Variants in ENKUR observed in about 807,000 individuals in gnomAD.
The protein encoded by ENKUR is enkurin, TRPC channel interacting protein, also known as enkurin.
ENKUR carries 19 observed loss-of-function variants against 27.6 expected under a neutral mutation model. The observed-to-expected ratio is 0.69, with a 90% CI of 0.48 to 1.01. ENKUR has a LOEUF of 1.01. Among genes scored for constraint, ENKUR ranks in the 50% least tolerant of loss-of-function variants. The pLI, the probability that ENKUR is intolerant of heterozygous loss-of-function variation, is 0.00. For synonymous variants in ENKUR, 117 were observed against 96.9 expected (o/e 1.21, Z -1.22); for missense variants, 312 against 310.5 (o/e 1.00, Z -0.04).
At chr10:25,052,748 G>A (rs1156366392) in intron 2 of ENKUR, among the ~76,000 whole-genome samples, 2 of 151,870 alleles carry the variant, frequency 1.3e-5, no homozygotes, top group Non-Finnish European at 2.9e-5. Context: ...ACTCCAGCCT[G>A]AGTTACAGAG....
chr10:25,023,399 T>A (rs768330628), intron 2 of ENKUR: 5 of 1,614,166 alleles, frequency 3.1e-6, no homozygotes, highest in South Asian at 1.1e-5. Flanking sequence ...AAAAATATTA[T>A]CCTGATGGGA....
At chr10:24,986,420 A>T (rs892562581) in intron 4 of ENKUR, among the ~76,000 whole-genome samples, 1 of 152,190 alleles carries the variant, frequency 6.6e-6, no homozygotes, top group African/African-American at 2.4e-5. Context: ...TTAAATTTTA[A>T]AAAGAGGAGG....
chr10:25,002,546 ATGT>A (rs1463951906), intron 1 of ENKUR, among the ~76,000 whole-genome samples: 1 of 151,946 alleles, frequency 6.6e-6, no homozygotes, highest in Non-Finnish European at 1.5e-5. Flanking sequence ...TGACCACTCT[ATGT>A]TGTTTATTGT....
chr10:25,004,085 G>A (rs914309694), intron 1 of ENKUR, among the ~76,000 whole-genome samples: 1 of 152,186 alleles, frequency 6.6e-6, no homozygotes, highest in African/African-American at 2.4e-5. Context: ...ACACATCCAT[G>A]TCCCTGCAAA....
chr10:25,024,029 C>T, intron 2 of ENKUR: 1 of 1,614,124 alleles, frequency 6.2e-7, no homozygotes, highest in Non-Finnish European at 8.5e-7. Flanking sequence ...TTTGTTCCTG[C>T]AAAGGAGTTT....
At chr10:25,008,169 C>T (rs552260675) in intron 1 of ENKUR, among the ~76,000 whole-genome samples, 1 of 152,090 alleles carries the variant, frequency 6.6e-6, no homozygotes, top group African/African-American at 2.4e-5. Context: ...ACTAAAATAG[C>T]TTCTAACACT....
At chr10:25,024,689 A>T (rs1368640679) in intron 2 of ENKUR, 5 of 1,614,198 alleles carry the variant, frequency 3.1e-6, no homozygotes, top group Non-Finnish European at 4.2e-6. Context: ...GCATATCTTG[A>T]TCTTGTTAGT....
In ENKUR at chr10:25,023,930, A is replaced by G. The variant is rs1363259751; in HGVS notation, c.38-28061T>C. On this transcript the variant is annotated intron_variant, in intron 2 of 5. Transcript: ENST00000615958. ...TCGGAAACATTCATTTCAACAAGAC[A>G]CGTTTGGCCTGAAGACTGTGAACAG... 1.2e-6 allele frequency: 2 copies of G among 1,614,176 alleles called. No homozygotes were observed. Among genetic ancestry groups the G allele is most frequent in the Admixed American group, 1.7e-5 (1 of 60,024 alleles).
intron 2 of ENKUR, chr10:25,024,767 T>C (rs1244093655): frequency 1.5e-5 from 24 of 1,614,228 alleles, no homozygotes; most frequent in Non-Finnish European, 1.9e-5. Flanking sequence ...GGTAACATTT[T>C]AGCAGCAGTG....
rs1166414695 is a variant in ENKUR, at chr10:24,999,566, G to T, written c.78-20C>A. 5 of 1,582,580 alleles carry T rather than the reference G, an allele frequency of 3.2e-6. No homozygotes were observed. Among genetic ancestry groups the T allele is most frequent in the Non-Finnish European group, 4.3e-6 (5 of 1,165,344 alleles). On this transcript the variant is annotated intron_variant, in intron 1 of 5. Transcript: ENST00000331161. ...ATGTACCTAAAATTGAATTTTAAAA[G>T]TTGTAGCATTTATACTTCTAGTAAA... is the stretch of plus-strand genomic sequence containing the variant.
rs147612373 is a variant in ENKUR at position 25,048,654 on chromosome 10, G to T, written c.37+12458C>A. On this transcript the variant is annotated intron_variant, in intron 2 of 5. Coordinates refer to the ENKUR transcript ENST00000615958. The stretch of plus-strand genomic sequence containing the variant: ...CAACAGCCAAAGCAAATGAGATGCA[G>T]TCCATGAGCCAAGGTCTCAGATAGC... 2.5e-4 allele frequency among the ~76,000 whole-genome samples: 38 copies of T among 152,156 alleles called. 1 individual carries two copies. In the East Asian group the frequency reaches 6.8e-3, roughly 27 times the overall value.
chr10:25,052,808 A>G (rs564275224), intron 2 of ENKUR, among the ~76,000 whole-genome samples: 1 of 151,686 alleles, frequency 6.6e-6, no homozygotes, highest in Non-Finnish European at 1.5e-5. Context: ...ACGGAATTTC[A>G]TTCTTGTTAC....
rs530940479 is a variant in ENKUR at position 24,986,428 on chromosome 10, A to G, written c.595-1523T>C. Among the ~76,000 whole-genome samples, 9 of 152,332 alleles carry G rather than the reference A, an allele frequency of 5.9e-5. No individual in the cohort carries two copies. In the South Asian group the frequency reaches 1.9e-3, roughly 32 times the overall value. ...ATCCAGGTTAAATTTTAAAAAGAGGAGGCTACACAGTTCTTGACAGTGTAT... is the reference window on the plus strand; with the variant it reads ...ATCCAGGTTAAATTTTAAAAAGAGGGGGCTACACAGTTCTTGACAGTGTAT... On this transcript the variant is annotated intron_variant, in intron 4 of 5. Transcript: ENST00000331161.
At chr10:25,037,619 A>G (rs1274072032) in intron 2 of ENKUR, among the ~76,000 whole-genome samples, 3 of 152,172 alleles carry the variant, frequency 2.0e-5, no homozygotes, top group South Asian at 2.1e-4. Flanking sequence ...ACCTCCAAAC[A>G]TGAATTTCTA....
chr10:25,047,339 T>C (rs549249831), intron 2 of ENKUR, among the ~76,000 whole-genome samples: 22 of 152,302 alleles, frequency 1.4e-4, no homozygotes, highest in Non-Finnish European at 2.4e-4. Flanking sequence ...TCCAGACTAA[T>C]TGTGGGCAGG....
chr10:25,023,865 CAA>C, intron 2 of ENKUR: 1 of 1,614,136 alleles, frequency 6.2e-7, no homozygotes, highest in Non-Finnish European at 8.5e-7. Flanking sequence ...AGGTAGCTGA[CAA>C]AGTGCTGAAT....
upstream of ENKUR, among the ~76,000 whole-genome samples, chr10:25,020,238 A>ATATTTC (rs1850689831): frequency 7.9e-6 from 1 of 126,564 alleles, no homozygotes. Flanking sequence ...TTTCTTTAAA[A>ATATTTC]TATATCTATA....
At chr10:25,041,161 G>T (rs545234765) in intron 2 of ENKUR, among the ~76,000 whole-genome samples, 1 of 152,092 alleles carries the variant, frequency 6.6e-6, no homozygotes, top group East Asian at 1.9e-4. Context: ...CTAAGATAAA[G>T]GGCGTGAATG....
chr10:25,025,410 C>T lies in ENKUR; in HGVS notation c.38-29541G>A, dbSNP rs896419689. ...AGGTCTGTGCAGCTGATATGAATGT[C>T]TTGAAGAGTCATGTGGAACAACTTG... On this transcript the variant is annotated intron_variant, in intron 2 of 5. Transcript: ENST00000615958. The T allele has an allele frequency of 6.2e-6, 10 of 1,612,820 alleles. No homozygotes were observed. In the African/African-American group the frequency reaches 1.2e-4, roughly 19 times the overall value.
Sources: gnomAD v4.1 joint callset for allele counts (sites outside exome capture counted in the v4.1 genomes callset) on GRCh38, gnomAD v4.1.1 for gene constraint, MANE v1.5 for transcripts, NCBI Gene and HGNC (gene_info 2026-07-23, HGNC 2026-07-21) for gene names.